The following COP1 variants were observed in gnomAD, a reference collection of about 807,000 sequenced individuals.
The protein encoded by COP1 is E3 ubiquitin-protein ligase COP1.
In COP1, 24 loss-of-function variants were observed where a neutral mutation model predicts 101.3. The ratio of observed to expected loss-of-function variants is 0.24; its 90% CI spans 0.17 to 0.33. The LOEUF is 0.33. COP1 is among the 10% of genes least tolerant of loss of function. The pLI is 1.00. For missense variants in COP1, 663 were observed against 906.2 expected, an observed-to-expected ratio of 0.73 and a Z score of 3.45; for synonymous variants, 347 against 341.9, an observed-to-expected ratio of 1.01 and a Z score of -0.17.
intron 3 of COP1, among the ~76,000 whole-genome samples, chr1:176,170,001 C>T (rs992639222): frequency 2.6e-5 from 4 of 152,232 alleles, no homozygotes; most frequent in Non-Finnish European, 5.9e-5. Context: ...GATTTCATCT[C>T]AAGAAACCAC....
At chr1:176,006,065 G>C (rs1398467205) in intron 15 of COP1, among the ~76,000 whole-genome samples, 2 of 152,172 alleles carry the variant, frequency 1.3e-5, no homozygotes, top group Admixed American at 6.5e-5. Flanking sequence ...AGGATAGTTA[G>C]CTCTTCCTGC....
chr1:176,045,631 G>A (rs1671393673), intron 12 of COP1, among the ~76,000 whole-genome samples: 1 of 150,172 alleles, frequency 6.7e-6, no homozygotes, highest in Non-Finnish European at 1.5e-5. Flanking sequence ...AGATTTTTTG[G>A]GGAGCAGATC....
chr1:176,206,665 C>A lies in COP1; in HGVS notation c.314G>T (p.Ser105Ile). The A allele has an allele frequency of 6.2e-7, 1 of 1,610,660 alleles. No individual in the cohort carries two copies. Among genetic ancestry groups the A allele is most frequent in the Non-Finnish European group, 8.5e-7 (1 of 1,179,910 alleles). The change falls in exon 1 of 20, where the codon AGC becomes ATC. Residue 105 changes from serine to isoleucine, a missense_variant. Physicochemically the swap from Ser to Ile is moderately radical, Grantham distance 142. Transcript: ENST00000367669. The stretch of plus-strand genomic sequence containing the variant: ...TCGCTTCCTGCTGCCGCTGCCTAGG[C>A]TGGAGCTGCTGCCTCCTACGCCGGC... ...PSAGVGGSSS[S>I]LGSGSRKRPL...
intron 2 of COP1, among the ~76,000 whole-genome samples, chr1:176,178,137 ATCTT>A (rs1332854281): frequency 1.3e-5 from 2 of 152,182 alleles, no homozygotes; most frequent in Non-Finnish European, 2.9e-5. Flanking sequence ...AACATACTAA[ATCTT>A]TATTTTCATT....
chr1:176,086,631 C>T (rs759275782), intron 9 of COP1, among the ~76,000 whole-genome samples: 29 of 151,972 alleles, frequency 1.9e-4, no homozygotes, highest in Non-Finnish European at 3.5e-4. Flanking sequence ...AATGGAAGAA[C>T]ATTCCATGCT....
intron 1 of COP1, among the ~76,000 whole-genome samples, chr1:176,193,532 G>A (rs1173163854): frequency 6.6e-6 from 1 of 151,826 alleles, no homozygotes; most frequent in Non-Finnish European, 1.5e-5. Flanking sequence ...TCCATCAACT[G>A]AAATATAAAT....
chr1:176,197,800 A>G (rs1323134741), intron 1 of COP1, among the ~76,000 whole-genome samples: 1 of 152,220 alleles, frequency 6.6e-6, no homozygotes, highest in East Asian at 1.9e-4. Context: ...AATTATTAGA[A>G]CTAGTAAGTA....
In COP1 at chr1:175,986,661, C is replaced by A. The variant is rs1412195710; in HGVS notation, c.2133+282G>T. ...TGCATATTTTGGAGGAATTTCCAGTCTTATAGAAGAGATATGAACAGACAA... is the reference window on the plus strand; with the variant it reads ...TGCATATTTTGGAGGAATTTCCAGTATTATAGAAGAGATATGAACAGACAA... On this transcript the variant is annotated intron_variant, in intron 18 of 19. Coordinates refer to ENST00000367669, the MANE Select transcript of COP1 (RefSeq NM_022457.7). 3.3e-5 allele frequency among the ~76,000 whole-genome samples: 5 copies of A among 151,994 alleles called. 1 individual carries two copies. The highest frequency in any genetic ancestry group is 7.4e-5 in the Non-Finnish European group (5 of 68,000).
At chr1:176,005,666 G>A (rs1662976276) in intron 15 of COP1, among the ~76,000 whole-genome samples, 1 of 152,172 alleles carries the variant, frequency 6.6e-6, no homozygotes. Context: ...GCGGTTTTGA[G>A]TGAGATTCTT....
chr1:176,204,635 T>C (rs2102314647), intron 1 of COP1, among the ~76,000 whole-genome samples: 1 of 152,206 alleles, frequency 6.6e-6, no homozygotes, highest in East Asian at 1.9e-4. Context: ...GAAAGTGAAA[T>C]ACTCAGGACC....
chr1:176,099,725 A>G (rs1183437469), intron 9 of COP1, among the ~76,000 whole-genome samples: 4 of 152,220 alleles, frequency 2.6e-5, no homozygotes, highest in Non-Finnish European at 4.4e-5. Context: ...CTCGACTTGC[A>G]GAGCCAATAA....
rs553938607 is a variant in COP1 at position 176,129,250 on chromosome 1, G to A, written c.968+5760C>T. 1.4e-3 allele frequency among the ~76,000 whole-genome samples: 214 copies of A among 151,582 alleles called. 1 individual carries two copies. The highest frequency in any genetic ancestry group is 3.4e-3 in the Middle Eastern group (1 of 294). ...TCCTATTGTCCCTACACTTTGATTC[G>A]TCTGGAACTTTGTCAAAATTACAGA... On this transcript the variant is annotated intron_variant, in intron 8 of 19. Coordinates refer to ENST00000367669, the MANE Select transcript of COP1 (RefSeq NM_022457.7).
chr1:176,141,897 A>AT (rs919985723), intron 6 of COP1, among the ~76,000 whole-genome samples: 104 of 151,428 alleles, frequency 6.9e-4, no homozygotes, highest in African/African-American at 2.4e-3. Context: ...TGCTCCACGA[A>AT]TTTTTTTTTA....
chr1:176,170,057 T>A (rs751296759), intron 3 of COP1, among the ~76,000 whole-genome samples: 8 of 152,234 alleles, frequency 5.3e-5, no homozygotes, highest in Non-Finnish European at 1.0e-4. Context: ...TGTTTAAGTT[T>A]TATCAGGATA....
intron 2 of COP1, among the ~76,000 whole-genome samples, chr1:176,179,861 C>CA (rs548040625): frequency 0.12 from 16,250 of 130,098 alleles, 941 homozygotes; most frequent in Middle Eastern, 0.18. Context: ...ATCTCTCAGA[C>CA]AAAAAAAAAA....
At chr1:176,104,832 G>T (rs1023049476) in intron 9 of COP1, among the ~76,000 whole-genome samples, 1 of 152,024 alleles carries the variant, frequency 6.6e-6, no homozygotes, top group African/African-American at 2.4e-5. Flanking sequence ...AAAATACATA[G>T]GCACAAATTA....
Position 175,970,385 on chromosome 1 carries a change from C to A in COP1, c.2133+16558G>T, listed in dbSNP as rs80191494. Among the ~76,000 whole-genome samples, 961 of 152,104 alleles carry A rather than the reference C, an allele frequency of 6.3e-3. 7 individuals carry two copies. Among genetic ancestry groups the A allele is most frequent in the African/African-American group, 0.022 (910 of 41,494 alleles). ...AAGCCGGAATGGGAATAGTATGGGA[C>A]AATGAAGAAACTTTCTTAATGAAGT... On this transcript the variant is annotated intron_variant, in intron 18 of 19. Coordinates refer to ENST00000367669, the MANE Select transcript of COP1 (RefSeq NM_022457.7).
At chr1:175,995,880 C>T (rs1660019182) in intron 15 of COP1, among the ~76,000 whole-genome samples, 1 of 152,090 alleles carries the variant, frequency 6.6e-6, no homozygotes, top group South Asian at 2.1e-4. Flanking sequence ...AGAGAGAATC[C>T]TCCCTAACTC....
At chr1:176,029,365 C>T (rs1338393618) in intron 14 of COP1, among the ~76,000 whole-genome samples, 1 of 152,032 alleles carries the variant, frequency 6.6e-6, no homozygotes, top group Non-Finnish European at 1.5e-5. Context: ...CAAAATAGGT[C>T]TGATTTGAAA....
Sources: gnomAD v4.1 joint callset for allele counts (sites outside exome capture counted in the v4.1 genomes callset) on GRCh38, gnomAD v4.1.1 for gene constraint, MANE v1.5 for transcripts, NCBI Gene and HGNC (gene_info 2026-07-23, HGNC 2026-07-21) for gene names.